Variants in IKZF1 observed in about 807,000 individuals in gnomAD.
IKZF1 encodes the protein IKAROS family zinc finger 1.
IKZF1 carries 10 observed loss-of-function variants against 51.7 expected under a neutral mutation model. The ratio of observed to expected loss-of-function variants is 0.19; its 90% CI spans 0.12 to 0.33. The LOEUF (loss-of-function observed/expected upper bound fraction) is 0.33. IKZF1 is among the 10% of genes least tolerant of loss of function. The pLI is 1.00. For missense variants in IKZF1, 484 were observed against 707.5 expected (o/e 0.68, Z 3.58); for synonymous variants, 280 against 282.3 (o/e 0.99, Z 0.08).
intron 2 of IKZF1, among the ~76,000 whole-genome samples, chr7:50,321,916 T>A (rs1342723235): frequency 6.6e-6 from 1 of 152,166 alleles, no homozygotes; most frequent in African/African-American, 2.4e-5. Flanking sequence ...AAAAGGAAAC[T>A]CTGTTTTTGT....
At chr7:50,318,361 G>C (rs1422564417) in intron 1 of IKZF1, 3 of 228,378 alleles carry the variant, frequency 1.3e-5, no homozygotes, top group South Asian at 1.8e-4. Flanking sequence ...AAACAGGAAG[G>C]CTCGGGCTGT....
At chr7:50,303,839 C>T (rs987248274), upstream of IKZF1, among the ~76,000 whole-genome samples, 2 of 148,928 alleles carry the variant, frequency 1.3e-5, no homozygotes, top group African/African-American at 2.5e-5. This position sits in a 1 kb window ranked among gnomAD's most constrained non-coding sequence, Gnocchi z 4.7. Context: ...GCGCGCGTCC[C>T]CCTCCCCCTC....
intron 1 of IKZF1, among the ~76,000 whole-genome samples, chr7:50,310,924 G>T (rs150188235): frequency 4.0e-4 from 61 of 152,302 alleles, no homozygotes; most frequent in African/African-American, 1.3e-3. Flanking sequence ...GATGAGCAAG[G>T]TGAATTTTCA....
intron 3 of IKZF1, among the ~76,000 whole-genome samples, chr7:50,361,935 T>G (rs1408284944): frequency 1.3e-5 from 2 of 152,208 alleles, no homozygotes; most frequent in African/African-American, 4.8e-5. Context: ...GCTGTTTCCT[T>G]TCTTGTACTC....
intron 3 of IKZF1, among the ~76,000 whole-genome samples, chr7:50,356,323 A>T (rs868607207): frequency 2.0e-5 from 3 of 152,236 alleles, no homozygotes; most frequent in Non-Finnish European, 4.4e-5. Context: ...GATGGTCTGG[A>T]GCCAGCGCAC....
intron 3 of IKZF1, among the ~76,000 whole-genome samples, chr7:50,372,498 A>C (rs1809005758): frequency 6.6e-6 from 1 of 152,250 alleles, no homozygotes; most frequent in East Asian, 1.9e-4. Context: ...TCTAACTTCC[A>C]TTTAAAACGT....
chr7:50,370,425 G>T (rs557193456), intron 3 of IKZF1, among the ~76,000 whole-genome samples: 1 of 152,304 alleles, frequency 6.6e-6, no homozygotes, highest in South Asian at 2.1e-4. Context: ...GCTCCTCTTG[G>T]CATCTGAGTT....
At chr7:50,356,054 G>A (rs1268139722) in intron 3 of IKZF1, among the ~76,000 whole-genome samples, 1 of 152,198 alleles carries the variant, frequency 6.6e-6, no homozygotes, top group Non-Finnish European at 1.5e-5. Flanking sequence ...TTTTCCCTCA[G>A]TTTCAGGCTT....
intron 2 of IKZF1, among the ~76,000 whole-genome samples, 156 bp downstream of exon 2, chr7:50,319,257 G>C (rs1461003567): frequency 6.6e-6 from 1 of 152,044 alleles, no homozygotes; most frequent in African/African-American, 2.4e-5. Context: ...TCCTTCACCT[G>C]TTACAAATTA....
At chr7:50,350,909 C>T (rs1238184533) in intron 3 of IKZF1, among the ~76,000 whole-genome samples, 1 of 152,228 alleles carries the variant, frequency 6.6e-6, no homozygotes, top group Non-Finnish European at 1.5e-5. Context: ...GGGCCAAGGA[C>T]CCAGGGAGCC....
chr7:50,366,796 A>T lies in IKZF1; in HGVS notation c.161-9737A>T, dbSNP rs79688173. On this transcript the variant is annotated intron_variant, in intron 3 of 7. Transcript: ENST00000331340. ...GAATAACTAAGGGCAAACAGATTAT[A>T]TAAAGGGTTGGAGCTCAATGAAGAC... 3.9e-5 allele frequency among the ~76,000 whole-genome samples: 6 copies of T among 152,280 alleles called. No homozygotes were observed. The South Asian group carries it at 1.2e-3, about 32-fold the overall frequency.
intron 3 of IKZF1, among the ~76,000 whole-genome samples, chr7:50,334,701 GTA>G (rs1193661070): frequency 3.3e-5 from 5 of 151,378 alleles, no homozygotes; most frequent in Non-Finnish European, 7.4e-5. Context: ...TGTGTGGTCT[GTA>G]TATGTGTATG....
At chr7:50,371,053 T>C (rs994859501) in intron 3 of IKZF1, among the ~76,000 whole-genome samples, 1 of 152,188 alleles carries the variant, frequency 6.6e-6, no homozygotes, top group Non-Finnish European at 1.5e-5. Context: ...CCAAGCACAA[T>C]GCCTGCAAAT....
At chr7:50,399,830 C>T in intron 7 of IKZF1, 88 bp from the exon 8 acceptor site, 11 of 1,505,590 alleles carry the variant, frequency 7.3e-6, no homozygotes, top group Non-Finnish European at 9.7e-6. Flanking sequence ...CCCTTCCCCT[C>T]CCCGGTTGTA....
At chr7:50,330,810 C>T (rs1796295998) in intron 3 of IKZF1, among the ~76,000 whole-genome samples, 1 of 152,120 alleles carries the variant, frequency 6.6e-6, no homozygotes, top group Non-Finnish European at 1.5e-5. Flanking sequence ...AAGGAGTGCA[C>T]AGCAGGAAAT....
intron 3 of IKZF1, among the ~76,000 whole-genome samples, chr7:50,332,186 G>C (rs1421750507): frequency 6.6e-6 from 1 of 152,186 alleles, no homozygotes; most frequent in Admixed American, 6.5e-5. Flanking sequence ...AAAGTTTTTT[G>C]TTTAGGAATT....
At chr7:50,391,170 A>G (rs537556012) in intron 6 of IKZF1, among the ~76,000 whole-genome samples, 52 of 152,330 alleles carry the variant, frequency 3.4e-4, no homozygotes, top group African/African-American at 1.3e-3. Context: ...AATTTTCTAC[A>G]GCAGTCAGGG....
Position 50,401,606 on chromosome 7 carries a change from G to C in IKZF1, c.*979G>C, listed in dbSNP as rs1562919257. On this transcript the variant is annotated 3_prime_UTR_variant, in exon 8 of 8. Coordinates refer to ENST00000331340, the MANE Select transcript of IKZF1 (RefSeq NM_006060.6). The stretch of plus-strand genomic sequence containing the variant: ...TTCCTTCCCTGGCTGGTTCCATCTA[G>C]TACCAGAGGCCTCTTTTCCTGAAGA... The C allele has an allele frequency of 4.5e-6, 1 of 221,124 alleles. No homozygotes were observed. The highest frequency in any genetic ancestry group is 9.0e-6 in the Non-Finnish European group (1 of 110,522). The allele number at this position is 221,124 out of a possible 1,614,324, so 13.7% of individuals were successfully genotyped here.
At chr7:50,398,633 G>A (rs1215231323) in intron 7 of IKZF1, among the ~76,000 whole-genome samples, 3 of 152,188 alleles carry the variant, frequency 2.0e-5, no homozygotes. Flanking sequence ...CCCTCCCCTA[G>A]TAGCTGTCTG....
Sources: gnomAD v4.1 joint callset for allele counts (sites outside exome capture counted in the v4.1 genomes callset) on GRCh38, gnomAD v4.1.1 for gene constraint, Gnocchi (gnomAD v3.1) non-coding constraint, MANE v1.5 for transcripts, NCBI Gene and HGNC (gene_info 2026-07-23, HGNC 2026-07-21) for gene names.